Variants in GALNT17 observed in about 807,000 individuals in gnomAD.
GALNT17 encodes the protein polypeptide N-acetylgalactosaminyltransferase 17.
GALNT17 carries 29 observed loss-of-function variants against 63.7 expected under a neutral mutation model. That is an observed-to-expected ratio of 0.46 (90% CI 0.34 to 0.62). The LOEUF (loss-of-function observed/expected upper bound fraction) is 0.62, where lower values mean the gene tolerates loss of function less well. Among genes scored for constraint, GALNT17 ranks in the 20% least tolerant of loss-of-function variants. GALNT17 has a pLI of 0.01. For missense variants in GALNT17, 603 were observed against 799.6 expected (o/e 0.75, Z 2.97); for synonymous variants, 305 against 318.3 (o/e 0.96, Z 0.45).
chr7:71,597,337 C>T (rs997711248), intron 6 of GALNT17, among the ~76,000 whole-genome samples: 1 of 151,944 alleles, frequency 6.6e-6, no homozygotes, highest in Admixed American at 6.6e-5. Context: ...CCGTGCCCGG[C>T]CTACAAAAAA....
chr7:71,540,589 A>G (rs1292826638), intron 5 of GALNT17, among the ~76,000 whole-genome samples: 2 of 152,074 alleles, frequency 1.3e-5, no homozygotes, highest in Non-Finnish European at 1.5e-5. Context: ...GGACCTACTG[A>G]TGGACACTAG....
intron 6 of GALNT17, among the ~76,000 whole-genome samples, chr7:71,598,874 C>T (rs529277384): frequency 3.1e-5 from 4 of 129,858 alleles, no homozygotes; most frequent in South Asian, 2.6e-4. Context: ...GGGGGGATTG[C>T]GTGGTGGGTG....
intron 2 of GALNT17, among the ~76,000 whole-genome samples, chr7:71,351,855 C>T (rs906424329): frequency 3.9e-5 from 6 of 152,082 alleles, no homozygotes; most frequent in Non-Finnish European, 8.8e-5. Flanking sequence ...TTTGACATAG[C>T]GAAGTGTCCT....
In GALNT17 at chr7:71,421,021, A is replaced by G. The variant is rs1201589476; in HGVS notation, c.878A>G (p.His293Arg). Reference protein sequence around the residue: ...FEVQRYENSAHGYSWELWCMY... With the variant: ...FEVQRYENSARGYSWELWCMY... ...GTGCAGCGGTACGAGAACTCGGCCC[A>G]CGGGTACAGCTGGGAGCTGTGGTGC... Residue 293 changes from histidine (H) to arginine (R), a missense_variant, in exon 5 of 11, where the codon CAC (histidine) becomes CGC (arginine). His to Arg is a conservative substitution (Grantham distance 29). Around this residue, in one of 3 missense-constraint regions of GALNT17, gnomAD observed 336 missense variants for 507.8 expected, o/e 0.66. Transcript: ENST00000333538. 1 of 1,614,176 alleles carries G rather than the reference A, an allele frequency of 6.2e-7. No homozygotes were observed. The highest frequency in any genetic ancestry group is 1.7e-4 in the Middle Eastern group (1 of 6,060).
At chr7:71,491,042 A>G (rs1253283801) in intron 5 of GALNT17, among the ~76,000 whole-genome samples, 1 of 151,924 alleles carries the variant, frequency 6.6e-6, no homozygotes, top group Non-Finnish European at 1.5e-5. Context: ...TAAAAATACA[A>G]AATTAGCCGG....
chr7:71,706,442 T>C (rs1311989570), intron 9 of GALNT17, among the ~76,000 whole-genome samples: 1 of 152,220 alleles, frequency 6.6e-6, no homozygotes, highest in East Asian at 1.9e-4. Flanking sequence ...AGTTAATTAA[T>C]GTTCTTAGTG....
At chr7:71,602,387 A>G (rs1293446989) in intron 6 of GALNT17, among the ~76,000 whole-genome samples, 1 of 152,064 alleles carries the variant, frequency 6.6e-6, no homozygotes, top group African/African-American at 2.4e-5. Flanking sequence ...ACACCCCAAA[A>G]CAGATTGACC....
At chr7:71,534,327 C>T (rs1462875379) in intron 5 of GALNT17, among the ~76,000 whole-genome samples, 2 of 152,078 alleles carry the variant, frequency 1.3e-5, no homozygotes, top group East Asian at 3.9e-4. Flanking sequence ...TGGCCGGGCA[C>T]AGTGTGTCAC....
intron 1 of GALNT17, among the ~76,000 whole-genome samples, chr7:71,294,292 G>A (rs1288143922): frequency 6.6e-6 from 1 of 151,630 alleles, no homozygotes; most frequent in Non-Finnish European, 1.5e-5. Flanking sequence ...TCTCTTCCCA[G>A]TTTGAGAACT....
chr7:71,467,393 G>A (rs566396245), intron 5 of GALNT17, among the ~76,000 whole-genome samples: 14 of 152,278 alleles, frequency 9.2e-5, no homozygotes, highest in African/African-American at 3.4e-4. Flanking sequence ...CAGGCTCACA[G>A]GAGATGGAGT....
chr7:71,409,045 C>T (rs914199813), intron 3 of GALNT17, among the ~76,000 whole-genome samples: 2 of 148,750 alleles, frequency 1.3e-5, no homozygotes, highest in African/African-American at 5.2e-5. Flanking sequence ...CACACACACA[C>T]ACACACATTT....
chr7:71,498,068 C>G (rs1026795062), intron 5 of GALNT17, among the ~76,000 whole-genome samples: 1 of 152,220 alleles, frequency 6.6e-6, no homozygotes, highest in South Asian at 2.1e-4. Flanking sequence ...TGAATGTCCG[C>G]AGTGGGGTAG....
chr7:71,605,162 T>G (rs1790026442), intron 6 of GALNT17, among the ~76,000 whole-genome samples: 1 of 152,212 alleles, frequency 6.6e-6, no homozygotes, highest in Admixed American at 6.5e-5. Flanking sequence ...CTTGGCTCGC[T>G]CTTGAATACT....
intron 1 of GALNT17, among the ~76,000 whole-genome samples, chr7:71,332,586 T>A (rs1386940299): frequency 2.0e-5 from 3 of 152,220 alleles, no homozygotes; most frequent in African/African-American, 4.8e-5. Flanking sequence ...GCTGGAAAAT[T>A]CTCATGTTGG....
At chr7:71,528,744 AC>A (rs1290360601) in intron 5 of GALNT17, among the ~76,000 whole-genome samples, 1 of 152,206 alleles carries the variant, frequency 6.6e-6, no homozygotes, top group Non-Finnish European at 1.5e-5. Flanking sequence ...TATCTATATA[AC>A]CAAAAACCAC....
intron 5 of GALNT17, among the ~76,000 whole-genome samples, chr7:71,463,724 T>C (rs1787489845): frequency 6.6e-6 from 1 of 152,160 alleles, no homozygotes; most frequent in African/African-American, 2.4e-5. Flanking sequence ...CCACATAGGG[T>C]AACTTCCGGG....
chr7:71,408,906 A>G (rs1002702778), intron 3 of GALNT17, among the ~76,000 whole-genome samples: 3 of 150,780 alleles, frequency 2.0e-5, no homozygotes, highest in Non-Finnish European at 4.4e-5. Context: ...GTGTGTGTGT[A>G]TGTATGTATG....
At chr7:71,339,674 A>G (rs1791973929) in intron 2 of GALNT17, among the ~76,000 whole-genome samples, 1 of 151,472 alleles carries the variant, frequency 6.6e-6, no homozygotes, top group Admixed American at 6.6e-5. Context: ...TGGGTGACAG[A>G]GTGAGACTCT....
At chr7:71,266,430 A>G (rs147320750) in intron 1 of GALNT17, among the ~76,000 whole-genome samples, 124 of 152,146 alleles carry the variant, frequency 8.2e-4, no homozygotes, top group Middle Eastern at 3.4e-3. Context: ...TGCTTTCTCT[A>G]TCTCTCTCCT....
Sources: allele counts gnomAD v4.1 joint callset (sites outside exome capture counted in the v4.1 genomes callset), GRCh38; gene constraint gnomAD v4.1.1; regional missense constraint gnomAD v4.1.1; transcripts MANE v1.5; gene names NCBI Gene and HGNC (gene_info 2026-07-23, HGNC 2026-07-21).